The following PDE10A variants were observed in gnomAD, a reference collection of about 807,000 sequenced individuals.
PDE10A encodes phosphodiesterase 10A.
PDE10A carries 39 observed loss-of-function variants against 97.7 expected under a neutral mutation model. The observed-to-expected ratio is 0.40, with a 90% confidence interval of 0.31 to 0.52. The LOEUF (loss-of-function observed/expected upper bound fraction) is 0.52. Among genes scored for constraint, PDE10A ranks in the 20% least tolerant of loss-of-function variants. PDE10A has a pLI of 0.56. For synonymous variants in PDE10A, 371 were observed against 376.8 expected (o/e 0.98, Z 0.18); for missense variants, 731 against 1,047.8 (o/e 0.70, Z 4.17).
intron 16 of PDE10A, among the ~76,000 whole-genome samples, chr6:165,390,427 A>G (rs552877790): frequency 2.6e-5 from 4 of 152,318 alleles, no homozygotes; most frequent in African/African-American, 9.6e-5. Flanking sequence ...TTTACTGCAA[A>G]GAAGAGCAAA....
intron 18 of PDE10A, among the ~76,000 whole-genome samples, chr6:165,349,408 G>GA (rs1782543162): frequency 3.2e-5 from 1 of 31,544 alleles, no homozygotes; most frequent in South Asian, 6.4e-4. Context: ...CCCTGCCCTA[G>GA]GAACTGTGGA....
At chr6:165,571,564 GT>G (rs1785051355) in intron 1 of PDE10A, among the ~76,000 whole-genome samples, 1 of 152,158 alleles carries the variant, frequency 6.6e-6, no homozygotes, top group Non-Finnish European at 1.5e-5. Flanking sequence ...TTCACATTTT[GT>G]TCTTGAAGAG....
chr6:165,896,858 C>T (rs1489128654), intron 1 of PDE10A, among the ~76,000 whole-genome samples: 4 of 151,970 alleles, frequency 2.6e-5, no homozygotes, highest in Non-Finnish European at 5.9e-5. Context: ...TTAGTAGAGA[C>T]GGGGTTTCAC....
At chr6:165,509,521 C>T (rs1456686396) in intron 2 of PDE10A, among the ~76,000 whole-genome samples, 2 of 151,616 alleles carry the variant, frequency 1.3e-5, no homozygotes, top group South Asian at 2.1e-4. Flanking sequence ...AGTGTGATGC[C>T]TCCGGTGTTG....
chr6:165,685,601 C>T (rs1791093208), intron 1 of PDE10A, among the ~76,000 whole-genome samples: 1 of 152,124 alleles, frequency 6.6e-6, no homozygotes, highest in African/African-American at 2.4e-5. Flanking sequence ...GTGTATGTTC[C>T]TGGCAGCTTC....
intron 2 of PDE10A, among the ~76,000 whole-genome samples, chr6:165,486,804 A>G (rs1028653924): frequency 6.6e-6 from 1 of 152,238 alleles, no homozygotes; most frequent in Non-Finnish European, 1.5e-5. Context: ...TAACCTGTTC[A>G]ATGAAATCAA....
intron 2 of PDE10A, among the ~76,000 whole-genome samples, chr6:165,528,958 A>C (rs1583473697): frequency 6.6e-6 from 1 of 152,262 alleles, no homozygotes; most frequent in Admixed American, 6.5e-5. Flanking sequence ...TGGATCCAGG[A>C]ATCAAGGGGT....
At chr6:165,629,528 T>C (rs993345280) in intron 1 of PDE10A, among the ~76,000 whole-genome samples, 4 of 150,760 alleles carry the variant, frequency 2.7e-5, no homozygotes, top group African/African-American at 9.7e-5. Flanking sequence ...AACCTTTTTT[T>C]TTTTTTTTTT....
intron 18 of PDE10A, among the ~76,000 whole-genome samples, chr6:165,349,879 TAC>T (rs1005113819): frequency 6.6e-6 from 1 of 152,056 alleles, no homozygotes; most frequent in African/African-American, 2.4e-5. Flanking sequence ...GGCCTGAGGG[TAC>T]AGAGAAGTCA....
chr6:165,606,153 GA>G (rs71029555), intron 1 of PDE10A, among the ~76,000 whole-genome samples: 16,049 of 113,168 alleles, frequency 0.14, 884 homozygotes, highest in African/African-American at 0.21. Flanking sequence ...ACGAACAAGC[GA>G]AAAAAAAAAA....
intron 1 of PDE10A, among the ~76,000 whole-genome samples, chr6:165,629,760 G>T (rs558707286): frequency 2.0e-5 from 3 of 152,040 alleles, no homozygotes; most frequent in African/African-American, 7.2e-5. Flanking sequence ...TCTTCAACTC[G>T]TGGGCTCAGG....
chr6:165,634,068 G>A (rs10080351), intron 1 of PDE10A, among the ~76,000 whole-genome samples: 20,540 of 151,992 alleles, frequency 0.14, 1,829 homozygotes, highest in Non-Finnish European at 0.19. Flanking sequence ...GAATCACCTC[G>A]CGATGACTGA....
intron 1 of PDE10A, among the ~76,000 whole-genome samples, chr6:165,697,519 G>A (rs1221634251): frequency 1.3e-5 from 2 of 152,200 alleles, no homozygotes; most frequent in African/African-American, 4.8e-5. Context: ...TGAAAGGAAA[G>A]GCAAGACTGC....
chr6:165,539,684 G>T (rs1783306745), intron 2 of PDE10A, among the ~76,000 whole-genome samples: 1 of 152,180 alleles, frequency 6.6e-6, no homozygotes, highest in Non-Finnish European at 1.5e-5. Context: ...CGCTCCGGGA[G>T]GCTGGGGTGG....
At chr6:165,986,835 G>A (rs1243735957) in intron 1 of PDE10A, among the ~76,000 whole-genome samples, 3 of 152,092 alleles carry the variant, frequency 2.0e-5, no homozygotes, top group Non-Finnish European at 2.9e-5. Flanking sequence ...CGATTTCAAT[G>A]GGTTGCAAGG....
upstream of PDE10A, among the ~76,000 whole-genome samples, chr6:165,663,513 G>T (rs1238624589): frequency 6.6e-6 from 1 of 152,230 alleles, no homozygotes; most frequent in Non-Finnish European, 1.5e-5. Flanking sequence ...CGGCCTGCCC[G>T]TTGCCCGAGC....
chr6:165,892,976 C>T (rs1273396564), intron 1 of PDE10A, among the ~76,000 whole-genome samples: 3 of 152,188 alleles, frequency 2.0e-5, no homozygotes, highest in Non-Finnish European at 2.9e-5. Context: ...CTCCTCTTCT[C>T]GTTGTTCTGG....
At chr6:165,628,750 G>A (rs1021046639) in intron 1 of PDE10A, among the ~76,000 whole-genome samples, 1 of 152,004 alleles carries the variant, frequency 6.6e-6, no homozygotes, top group Admixed American at 6.5e-5. Context: ...AACCCAAAAT[G>A]GTTAATTTTT....
chr6:165,401,379 AC>A (rs1786651351), intron 13 of PDE10A, among the ~76,000 whole-genome samples: 1 of 152,196 alleles, frequency 6.6e-6, no homozygotes, highest in Non-Finnish European at 1.5e-5. Flanking sequence ...GTCACTGGCA[AC>A]TTGAGGGTTC....
Sources: allele counts gnomAD v4.1 joint callset (sites outside exome capture counted in the v4.1 genomes callset), GRCh38; gene constraint gnomAD v4.1.1; transcripts MANE v1.5; gene names NCBI Gene and HGNC (gene_info 2026-07-23, HGNC 2026-07-21).